Variants in CSMD1 observed in about 807,000 individuals in gnomAD.
CSMD1 encodes CUB and sushi domain-containing protein 1.
CSMD1 carries 213 observed loss-of-function variants against 417.5 expected under a neutral mutation model. The observed-to-expected ratio is 0.51, with a 90% CI of 0.46 to 0.57. The LOEUF is 0.57. CSMD1 is among the 20% of genes least tolerant of loss of function. The pLI is 0.00. For synonymous variants in CSMD1, 2,862 were observed against 1,736.8 expected (o/e 1.65, Z -16.11); for missense variants, 6,923 against 4,529.7 (o/e 1.53, Z -15.17).
intron 5 of CSMD1, among the ~76,000 whole-genome samples, chr8:3,883,955 G>C (rs1448335061): frequency 6.6e-6 from 1 of 152,070 alleles, no homozygotes; most frequent in Non-Finnish European, 1.5e-5. Context: ...AACATACATA[G>C]ATATAGAGTG....
In CSMD1 at chr8:4,734,923, C is replaced by T. The variant is rs1235405556; in HGVS notation, c.86-97365G>A. 2.0e-5 allele frequency among the ~76,000 whole-genome samples: 3 copies of T among 152,298 alleles called. No individual in the cohort carries two copies. The South Asian group carries it at 6.2e-4, about 32-fold the overall frequency. On this transcript the variant is annotated intron_variant, in intron 1 of 69. Coordinates refer to ENST00000635120, the MANE Select transcript of CSMD1 (RefSeq NM_033225.6). The stretch of plus-strand genomic sequence containing the variant: ...ACAGTATTTCCTTCTCCTAGGAGGT[C>T]TGGCTTTAGCAAACTACTCGTTATG...
chr8:2,949,148 A>AT (rs34463754), intron 68 of CSMD1, 151 bp downstream of exon 68: 24 of 547,404 alleles, frequency 4.4e-5, no homozygotes, highest in East Asian at 2.2e-4. Flanking sequence ...ATTCAAAATA[A>AT]TTTTTTTTCA....
intron 3 of CSMD1, among the ~76,000 whole-genome samples, chr8:4,074,257 G>C (rs923374587): frequency 3.3e-5 from 5 of 151,888 alleles, no homozygotes; most frequent in African/African-American, 9.7e-5. Context: ...AAAACAAATT[G>C]TTTCATAAAG....
rs1486469825 is a variant in CSMD1 at position 3,369,370 on chromosome 8, G to A, written c.2783C>T (p.Ala928Val). The change falls in exon 19 of 70, where the codon GCT becomes GTT. Residue 928 changes from alanine to valine, a missense_variant and splice_region_variant. Physicochemically the swap from Ala to Val is moderately conservative, Grantham distance 64. Transcript: ENST00000635120. ...CCCTTGGATGTAGCCTCCACATAGAGCTTAAAATAATAAAGAGAGATGATT... is the reference window on the plus strand; with the variant it reads ...CCCTTGGATGTAGCCTCCACATAGAACTTAAAATAATAAAGAGAGATGATT... ...QWNHALPSCD[A>V]LCGGYIQGKS... 3.4e-6 allele frequency: 5 copies of A among 1,452,702 alleles called. No homozygotes were observed. Among genetic ancestry groups the A allele is most frequent in the Non-Finnish European group, 4.8e-6 (5 of 1,036,458 alleles). The allele number at this position is 1,452,702 out of a possible 1,614,324, so 90.0% of individuals were successfully genotyped here.
intron 1 of CSMD1, among the ~76,000 whole-genome samples, chr8:4,862,518 T>G (rs2116879185): frequency 6.6e-6 from 1 of 152,190 alleles, no homozygotes; most frequent in East Asian, 1.9e-4. Context: ...CATCGTGGTT[T>G]GGACGAAGAA....
Position 4,051,915 on chromosome 8 carries a change from T to C in CSMD1, c.416-19816A>G, listed in dbSNP as rs961186973. The stretch of plus-strand genomic sequence containing the variant: ...TCCTTCCTTCCTTCCTTCCTTCCTT[T>C]CTTTCTTTTTCTTTCTTTCTTTCTT... On this transcript the variant is annotated intron_variant, in intron 3 of 69. Coordinates refer to ENST00000635120, the MANE Select transcript of CSMD1 (RefSeq NM_033225.6). 8.7e-3 allele frequency among the ~76,000 whole-genome samples: 1,187 copies of C among 136,784 alleles called. 11 individuals are homozygous for C. Among genetic ancestry groups the C allele is most frequent in the African/African-American group, 0.031 (1,094 of 35,712 alleles). The allele number at this position is 136,784 out of a possible 152,430, so 89.7% of individuals were successfully genotyped here. A position where few individuals can be genotyped will look rare whatever the true frequency, so the allele number is the denominator to read the frequency against.
At chr8:4,381,953 T>G (rs1803133931) in intron 3 of CSMD1, among the ~76,000 whole-genome samples, 1 of 152,094 alleles carries the variant, frequency 6.6e-6, no homozygotes, top group African/African-American at 2.4e-5. Context: ...GTAGAATAAC[T>G]GCACTAAGTG....
intron 2 of CSMD1, among the ~76,000 whole-genome samples, chr8:4,569,110 T>C (rs1369558500): frequency 6.6e-6 from 1 of 151,886 alleles, no homozygotes; most frequent in East Asian, 1.9e-4. Flanking sequence ...TAGTTTTGTT[T>C]GTTTGTTTGT....
chr8:4,278,098 C>A (rs1796585854), intron 3 of CSMD1, among the ~76,000 whole-genome samples: 1 of 152,092 alleles, frequency 6.6e-6, no homozygotes, highest in Non-Finnish European at 1.5e-5. Context: ...TTATAAAATC[C>A]TTTATGGTTC....
intron 1 of CSMD1, among the ~76,000 whole-genome samples, chr8:4,871,566 T>C (rs987407323): frequency 2.6e-5 from 4 of 152,166 alleles, no homozygotes; most frequent in Non-Finnish European, 5.9e-5. Flanking sequence ...GTTTTGCTTT[T>C]ATTATTTTTG....
intron 1 of CSMD1, among the ~76,000 whole-genome samples, chr8:4,650,454 C>G (rs1004269178): frequency 3.6e-4 from 54 of 151,590 alleles, no homozygotes; most frequent in Admixed American, 1.5e-3. Flanking sequence ...TTTGTATGGC[C>G]TTTCAACTTT....
Position 4,148,520 on chromosome 8 carries a change from A to T in CSMD1, c.416-116421T>A, listed in dbSNP as rs139699300. On this transcript the variant is annotated intron_variant, in intron 3 of 69. Coordinates refer to ENST00000635120, the MANE Select transcript of CSMD1 (RefSeq NM_033225.6). Reference sequence around the variant, plus strand: ...GTACCCTAAAACTTAAAGTATAATTAAAAAAAAAAACGCATTGGCTACTTG... The same window carrying T: ...GTACCCTAAAACTTAAAGTATAATTTAAAAAAAAAACGCATTGGCTACTTG... 1.6e-3 allele frequency among the ~76,000 whole-genome samples: 158 copies of T among 99,040 alleles called. 3 individuals are homozygous for T. The highest frequency in any genetic ancestry group is 0.014 in the Admixed American group (147 of 10,340). 65.0% of individuals were successfully genotyped at this position (99,040 alleles called of 152,430 possible).
intron 18 of CSMD1, 101 bp downstream of exon 18, chr8:3,387,393 A>T: frequency 1.1e-6 from 1 of 947,188 alleles, no homozygotes; most frequent in Non-Finnish European, 1.6e-6. Flanking sequence ...CGCCAGTCGT[A>T]AGGTACCACC....
intron 1 of CSMD1, among the ~76,000 whole-genome samples, chr8:4,813,235 A>G (rs1044052113): frequency 6.6e-6 from 1 of 152,186 alleles, no homozygotes; most frequent in Non-Finnish European, 1.5e-5. Flanking sequence ...ATGTGCTTAG[A>G]AAAATCAAAC....
chr8:4,976,981 G>C (rs879447151), intron 1 of CSMD1, among the ~76,000 whole-genome samples: 2 of 152,138 alleles, frequency 1.3e-5, no homozygotes, highest in East Asian at 3.9e-4. Context: ...TCTCCTAATA[G>C]AGCAATTTGT....
At chr8:3,305,925 C>A (rs1017724134) in intron 25 of CSMD1, among the ~76,000 whole-genome samples, 3 of 152,126 alleles carry the variant, frequency 2.0e-5, no homozygotes, top group Non-Finnish European at 2.9e-5. Flanking sequence ...GGTGATTTGC[C>A]TGCCTTGGCC....
chr8:4,106,021 A>G (rs1585324191), intron 3 of CSMD1, among the ~76,000 whole-genome samples: 2 of 152,206 alleles, frequency 1.3e-5, no homozygotes, highest in East Asian at 3.9e-4. Context: ...GTGTGCCACC[A>G]TCTCCACTGC....
intron 8 of CSMD1, among the ~76,000 whole-genome samples, chr8:3,599,324 C>T (rs936574715): frequency 6.6e-6 from 1 of 152,116 alleles, no homozygotes. Flanking sequence ...GAGATCTACC[C>T]TCTTAGCAAA....
At chr8:3,347,750 G>A (rs978988959) in intron 22 of CSMD1, among the ~76,000 whole-genome samples, 14 of 152,166 alleles carry the variant, frequency 9.2e-5, no homozygotes, top group South Asian at 2.1e-4. Context: ...CTTTCATAAG[G>A]TGCTGGACTG....
Sources: gnomAD v4.1 joint callset for allele counts (sites outside exome capture counted in the v4.1 genomes callset) on GRCh38, gnomAD v4.1.1 for gene constraint, MANE v1.5 for transcripts, NCBI Gene and HGNC (gene_info 2026-07-23, HGNC 2026-07-21) for gene names.